Variants in RAB26 observed in about 807,000 individuals in gnomAD.
The protein encoded by RAB26 is RAB26, member RAS oncogene family.
Under a neutral mutation model 33.1 loss-of-function variants are expected in RAB26, and 39 were observed. The ratio of observed to expected loss-of-function variants is 1.18; its 90% CI spans 0.91 to 1.54. The LOEUF (loss-of-function observed/expected upper bound fraction) is 1.54, where lower values mean the gene tolerates loss of function less well. Ranked by LOEUF, RAB26 falls within the 40% of genes most tolerant of loss-of-function variation. RAB26 has a pLI of 0.00. For synonymous variants in RAB26, 192 were observed against 151.9 expected (o/e 1.26, Z -1.94); for missense variants, 468 against 362.9 (o/e 1.29, Z -2.35).
intron 1 of RAB26, 146 bp from the exon 2 acceptor site, chr16:2,149,795 G>T (rs191000147): frequency 3.9e-4 from 224 of 573,224 alleles, no homozygotes; most frequent in African/African-American, 3.7e-3. Context: ...CATACGCTGG[G>T]TGTCCAGCCC....
At position 2,152,855 on chromosome 16, in the gene RAB26, C is replaced by G. The variant is rs140758359; in HGVS notation, c.504C>G (p.His168Gln). Residue 168 changes from histidine (H) to glutamine (Q), a missense_variant, in exon 6 of 9, where the codon CAC (histidine) becomes CAG (glutamine). By Grantham distance (24) the His-to-Gln change is conservative (BLOSUM62 0). Coordinates refer to ENST00000210187, the MANE Select transcript of RAB26 (RefSeq NM_014353.5). ...WLTEIHEYAQ[H>Q]DVALMLLGNK... The stretch of plus-strand genomic sequence containing the variant: ...CCGAGATCCACGAGTACGCCCAGCA[C>G]GACGTGGCGCTCATGCTGCTGGGGA... 7 of 1,608,004 alleles carry G rather than the reference C, an allele frequency of 4.4e-6. No homozygotes were observed. In the Admixed American group the frequency reaches 5.1e-5, roughly 12 times the overall value.
intron 2 of RAB26, chr16:2,150,982 T>G (rs1427863582): frequency 3.0e-6 from 1 of 328,974 alleles, no homozygotes; most frequent in Non-Finnish European, 6.0e-6. Flanking sequence ...ACTCCCTGCC[T>G]TACGTCTAAT....
chr16:2,148,952 G>A lies in RAB26; in HGVS notation c.169G>A (p.Val57Ile). The A allele has an allele frequency of 7.8e-7, 1 of 1,286,078 alleles. No homozygotes were observed. Among genetic ancestry groups the A allele is most frequent in the Non-Finnish European group, 9.8e-7 (1 of 1,015,354 alleles). 79.7% of individuals were successfully genotyped at this position (1,286,078 alleles called of 1,614,324 possible). Reference sequence around the variant, plus strand: ...CGGCCGGCCCTCGCTTGGCGGCGGTGTCGACTTCTACGACGTCGCCTTCAA... The same window carrying A: ...CGGCCGGCCCTCGCTTGGCGGCGGTATCGACTTCTACGACGTCGCCTTCAA... Reference protein sequence around the residue: ...QPGRPSLGGGVDFYDVAFKVM... With the variant: ...QPGRPSLGGGIDFYDVAFKVM... Residue 57 changes from valine to isoleucine, a missense_variant, in exon 1 of 9, where the codon GTC becomes ATC. Transcript: ENST00000210187.
rs2093006351 is a variant in RAB26, at chr16:2,151,915, G to A, written c.468+7G>A. 1 of 1,614,080 alleles carries A rather than the reference G, an allele frequency of 6.2e-7. No homozygotes were observed. Among genetic ancestry groups the A allele is most frequent in the Non-Finnish European group, 8.5e-7 (1 of 1,180,020 alleles). ...CTCCTTTGACAACATCCAGGTCAGT[G>A]GCTTTCCTGGTGGGGTGAAAGGGCC... On this transcript the variant is annotated splice_region_variant and intron_variant, in intron 5 of 8. Transcript: ENST00000210187.
At chr16:2,149,194 C>G (rs1017006053) in intron 1 of RAB26, among the ~76,000 whole-genome samples, 2 of 152,168 alleles carry the variant, frequency 1.3e-5, no homozygotes, top group African/African-American at 4.8e-5. Context: ...TCCCCCACCC[C>G]CCAGGCGGCA....
rs1325985213 is a variant in RAB26 at position 2,154,100 on chromosome 16, CTT to C, written c.*681_*682del. On this transcript the variant is annotated 3_prime_UTR_variant, in exon 9 of 9. Transcript: ENST00000210187. ...AACTTGGCCTTTTGATTGCACAAGC[CTT>C]TGTTTTCAGTCCTAGTGAATAAAGT... 2 of 321,412 alleles carry C rather than the reference CTT, an allele frequency of 6.2e-6. No homozygotes were observed. The highest frequency in any genetic ancestry group is 2.2e-5 in the African/African-American group (1 of 45,830). 19.9% of individuals were successfully genotyped at this position (321,412 alleles called of 1,614,324 possible).
intron 2 of RAB26, among the ~76,000 whole-genome samples, chr16:2,150,365 G>A (rs1467663575): frequency 1.3e-5 from 2 of 152,180 alleles, no homozygotes; most frequent in Admixed American, 6.5e-5. Context: ...CGGTACAGAG[G>A]CCTTACTGGG....
At chr16:2,150,406 G>A (rs2093000964) in intron 2 of RAB26, among the ~76,000 whole-genome samples, 1 of 152,206 alleles carries the variant, frequency 6.6e-6, no homozygotes, top group South Asian at 2.1e-4. Flanking sequence ...TGCAGAGCCT[G>A]AGCGAGGGTT....
At position 2,151,873 on chromosome 16, in the gene RAB26, G is replaced by A. The variant is rs146753917; in HGVS notation, c.433G>A (p.Asp145Asn). 1.2e-5 allele frequency: 19 copies of A among 1,614,010 alleles called. No homozygotes were observed. The highest frequency in any genetic ancestry group is 3.3e-5 in the South Asian group (3 of 91,090). ...GTCCCCAGCTCTGCTGCTGCTCTAC[G>A]ATGTCACCAACAAGGCCTCCTTTGA... ...RDAHALLLLY[D>N]VTNKASFDNI... is the part of the protein sequence containing the mutation. The change falls in exon 5 of 9, where the codon GAT becomes AAT. Residue 145 changes from aspartate to asparagine, a missense_variant. Physicochemically the swap from Asp to Asn is conservative, Grantham distance 23. Coordinates refer to ENST00000210187, the MANE Select transcript of RAB26 (RefSeq NM_014353.5).
At chr16:2,149,303 C>G (rs1199358230) in intron 1 of RAB26, among the ~76,000 whole-genome samples, 1 of 116,032 alleles carries the variant, frequency 8.6e-6, no homozygotes, top group Admixed American at 8.6e-5. Flanking sequence ...GGCTGTGGGC[C>G]TTTTTTTTTT....
chr16:2,150,942 C>A (rs920440240), intron 2 of RAB26, among the ~76,000 whole-genome samples: 3 of 152,254 alleles, frequency 2.0e-5, no homozygotes, highest in Non-Finnish European at 4.4e-5. Context: ...CCCCCGCCCC[C>A]ACCCCAACAG....
At chr16:2,149,876 GC>G (rs2092998985) in intron 1 of RAB26, 64 bp from the exon 2 acceptor site, 2 of 1,292,598 alleles carry the variant, frequency 1.5e-6, no homozygotes, top group South Asian at 3.2e-5. Flanking sequence ...CTCACCTGCA[GC>G]CCCCTTCTGA....
chr16:2,151,584 G>T lies in RAB26; in HGVS notation c.322G>T (p.Val108Leu). ...GIDFRNKVLDVDGVKVKLQMW... is the reference protein window; with the variant it reads ...GIDFRNKVLDLDGVKVKLQMW... The stretch of plus-strand genomic sequence containing the variant: ...TCTGTTTCAGAACAAAGTTCTGGAC[G>T]TGGATGGTGTGAAGGTGAAGCTGCA... Residue 108 changes from valine to leucine, a missense_variant, in exon 3 of 9, where the codon GTG becomes TTG. Val to Leu is a conservative substitution (Grantham distance 32). Coordinates refer to ENST00000210187, the MANE Select transcript of RAB26 (RefSeq NM_014353.5). The T allele has an allele frequency of 1.2e-6, 2 of 1,613,968 alleles. No homozygotes were observed. Among genetic ancestry groups the T allele is most frequent in the Non-Finnish European group, 1.7e-6 (2 of 1,180,036 alleles).
chr16:2,152,031 A>C (rs2093006828), intron 5 of RAB26, 123 bp downstream of exon 5: 2 of 1,373,122 alleles, frequency 1.5e-6, no homozygotes, highest in Admixed American at 2.0e-5. Flanking sequence ...GGGAAATGAC[A>C]GCCTTCTGGG....
intron 2 of RAB26, chr16:2,151,266 CTCG>C: frequency 3.5e-6 from 2 of 571,432 alleles, no homozygotes; most frequent in Non-Finnish European, 6.5e-6. Context: ...GGCGTTGCAG[CTCG>C]TTAGTTACTG....
At chr16:2,149,000 C>A (rs1393314673) in intron 1 of RAB26, 22 bp downstream of exon 1, 2 of 1,267,848 alleles carry the variant, frequency 1.6e-6, no homozygotes, top group African/African-American at 3.1e-5. Context: ...ACCCGCCCCC[C>A]AGGCCAGCGC....
At chr16:2,150,942 C>G (rs920440240) in intron 2 of RAB26, among the ~76,000 whole-genome samples, 1 of 152,254 alleles carries the variant, frequency 6.6e-6, no homozygotes, top group Non-Finnish European at 1.5e-5. Flanking sequence ...CCCCCGCCCC[C>G]ACCCCAACAG....
At chr16:2,150,235 G>A (rs1335393553) in intron 2 of RAB26, among the ~76,000 whole-genome samples, 184 bp downstream of exon 2, 1 of 152,254 alleles carries the variant, frequency 6.6e-6, no homozygotes, top group Non-Finnish European at 1.5e-5. Context: ...CCTATGCCAG[G>A]GGCTGGCATT....
At position 2,153,906 on chromosome 16, in the gene RAB26, G is replaced by C. The variant is rs1294803241; in HGVS notation, c.*485G>C. ...TGCCTGCTCCCGGCCCACCCTCTAGGAGGCTCTGGCTCAAACAGCAATAGG... is the reference window on the plus strand; with the variant it reads ...TGCCTGCTCCCGGCCCACCCTCTAGCAGGCTCTGGCTCAAACAGCAATAGG... On this transcript the variant is annotated 3_prime_UTR_variant, in exon 9 of 9. Transcript: ENST00000210187. The C allele has an allele frequency of 2.2e-6, 1 of 453,660 alleles. No individual in the cohort carries two copies. Among genetic ancestry groups the C allele is most frequent in the Non-Finnish European group, 4.4e-6 (1 of 225,366 alleles). The allele number at this position is 453,660 out of a possible 1,614,324, so 28.1% of individuals were successfully genotyped here.
Sources: allele counts gnomAD v4.1 joint callset (sites outside exome capture counted in the v4.1 genomes callset), GRCh38; gene constraint gnomAD v4.1.1; transcripts MANE v1.5; gene names NCBI Gene and HGNC (gene_info 2026-07-23, HGNC 2026-07-21).